Variants in PAM observed in about 807,000 individuals in gnomAD.
PAM encodes peptidylglycine alpha-amidating monooxygenase, also known as peptidyl-glycine alpha-amidating monooxygenase.
A neutral mutation model predicts 122.1 loss-of-function variants in PAM; 72 were observed. The observed-to-expected ratio is 0.59, with a 90% CI of 0.49 to 0.72. PAM has a LOEUF of 0.72. Ranked by LOEUF, PAM falls within the 30% of genes least tolerant of loss-of-function variation. The pLI is 0.00. For synonymous variants in PAM, 389 were observed against 404.4 expected, an observed-to-expected ratio of 0.96 and a Z score of 0.46; for missense variants, 1,106 against 1,183.7, an observed-to-expected ratio of 0.93 and a Z score of 0.96.
chr5:103,019,009 T>C lies in PAM; in HGVS notation c.2432-781T>C, dbSNP rs138428854. The stretch of plus-strand genomic sequence containing the variant: ...TGACAGGAGGCAGAGCTCAGGTGGT[T>C]ACACTCACCTGCCACTCACCTCCTG... On this transcript the variant is annotated intron_variant, in intron 22 of 25. Transcript: ENST00000438793. Among the ~76,000 whole-genome samples, 633 of 152,270 alleles carry C rather than the reference T, an allele frequency of 4.2e-3. 1 individual carries two copies. Among genetic ancestry groups the C allele is most frequent in the Non-Finnish European group, 6.2e-3 (421 of 68,026 alleles).
chr5:103,007,188 T>TACACACACACAC (rs1247892849), intron 19 of PAM, among the ~76,000 whole-genome samples, 177 bp downstream of exon 19: 3 of 106,460 alleles, frequency 2.8e-5, no homozygotes, highest in African/African-American at 9.5e-5. Context: ...CACACACATA[T>TACACACACACAC]ACATACACAC....
chr5:102,987,603 C>A, intron 15 of PAM: 1 of 444,552 alleles, frequency 2.2e-6, no homozygotes. Context: ...CTGATTTGAT[C>A]ATGCTTGTAT....
At chr5:102,791,587 A>C (rs1762069318) in intron 1 of PAM, among the ~76,000 whole-genome samples, 1 of 152,102 alleles carries the variant, frequency 6.6e-6, no homozygotes, top group Admixed American at 6.6e-5. Flanking sequence ...TTTTGCAACT[A>C]CTTTTTCTCC....
chr5:102,990,979 T>TA (rs1562163370), intron 16 of PAM, among the ~76,000 whole-genome samples: 1 of 152,214 alleles, frequency 6.6e-6, no homozygotes, highest in African/African-American at 2.4e-5. Flanking sequence ...GGCTTAAGAA[T>TA]AACTCTAGGA....
rs1291463339 is a variant in PAM, at chr5:103,029,109, T to G, written c.*44T>G. ...GATTGAGTAAGATTTACCCAGAATG[T>G]CAGATTCCTTTCCCTTTAGCACGTT... On this transcript the variant is annotated 3_prime_UTR_variant, in exon 26 of 26. Transcript: ENST00000438793. 6.7e-7 allele frequency: 1 copy of G among 1,493,248 alleles called. No individual in the cohort carries two copies. Among genetic ancestry groups the G allele is most frequent in the Admixed American group, 1.9e-5 (1 of 52,256 alleles). The allele number at this position is 1,493,248 out of a possible 1,614,324, so 92.5% of individuals were successfully genotyped here. A position where few individuals can be genotyped will look rare whatever the true frequency, so the allele number is the denominator to read the frequency against.
At chr5:102,947,483 A>C (rs1255665622) in intron 8 of PAM, among the ~76,000 whole-genome samples, 1 of 152,150 alleles carries the variant, frequency 6.6e-6, no homozygotes, top group African/African-American at 2.4e-5. Flanking sequence ...GTGAGAATGC[A>C]AAGGCATAAG....
At chr5:102,926,513 G>C in intron 6 of PAM, 72 bp from the exon 7 acceptor site, 1 of 830,078 alleles carries the variant, frequency 1.2e-6, no homozygotes, top group Non-Finnish European at 2.1e-6. Context: ...GGAGTTCATA[G>C]AACAGCAATT....
intron 1 of PAM, among the ~76,000 whole-genome samples, chr5:102,812,937 C>T (rs1768412910): frequency 6.6e-6 from 1 of 151,716 alleles, no homozygotes; most frequent in Non-Finnish European, 1.5e-5. Context: ...AATGCAAGTG[C>T]TCACGTAAAT....
At chr5:102,871,890 A>G (rs1489718810) in intron 3 of PAM, among the ~76,000 whole-genome samples, 2 of 151,738 alleles carry the variant, frequency 1.3e-5, no homozygotes, top group Non-Finnish European at 2.9e-5. Flanking sequence ...TTTATTTGCT[A>G]TTTGCTCAAC....
intron 15 of PAM, among the ~76,000 whole-genome samples, chr5:102,980,000 G>A (rs891062192): frequency 2.6e-5 from 4 of 151,764 alleles, no homozygotes; most frequent in Non-Finnish European, 5.9e-5. Flanking sequence ...TCATCTTTTA[G>A]AAACAAAAAC....
At position 102,990,257 on chromosome 5, in the gene PAM, G is replaced by T; in HGVS notation, c.1484-15G>T. The T allele has an allele frequency of 6.5e-7, 1 of 1,529,190 alleles. No homozygotes were observed. Among genetic ancestry groups the T allele is most frequent in the South Asian group, 1.3e-5 (1 of 76,846 alleles). 94.7% of individuals were successfully genotyped at this position (1,529,190 alleles called of 1,614,324 possible). ...CCTTTCCCTTTTACACTAAATGTGT[G>T]GATATATCTTTTAGATTTCCACATG... On this transcript the variant is annotated splice_polypyrimidine_tract_variant and intron_variant, in intron 15 of 25. Coordinates refer to ENST00000438793, the MANE Select transcript of PAM (RefSeq NM_001177306.2).
At chr5:103,020,963 T>A (rs2151293292) in intron 23 of PAM, among the ~76,000 whole-genome samples, 1 of 152,278 alleles carries the variant, frequency 6.6e-6, no homozygotes. Context: ...GTCCCCCTAG[T>A]TTTATGTCTT....
intron 1 of PAM, among the ~76,000 whole-genome samples, chr5:102,834,321 G>A (rs1429173687): frequency 1.3e-5 from 2 of 152,116 alleles, no homozygotes; most frequent in African/African-American, 4.8e-5. Context: ...GCTTGTCCAT[G>A]TCAAAGTTGT....
At chr5:102,767,960 T>C (rs1393013566) in intron 1 of PAM, among the ~76,000 whole-genome samples, 3 of 152,146 alleles carry the variant, frequency 2.0e-5, no homozygotes, top group Non-Finnish European at 4.4e-5. Flanking sequence ...CCACAGACTC[T>C]GGCTTGGGGA....
chr5:102,906,387 A>G (rs576706261), intron 4 of PAM, among the ~76,000 whole-genome samples: 39 of 151,834 alleles, frequency 2.6e-4, no homozygotes, highest in African/African-American at 8.0e-4. Flanking sequence ...TGATAAAGGT[A>G]TGCAAAATTT....
rs150662320 is a variant in PAM at position 103,005,212 on chromosome 5, G to A, written c.1789G>A (p.Val597Met). The change falls in exon 18 of 26, where the codon GTG (valine) becomes ATG (methionine). Residue 597 changes from valine (V) to methionine (M), a missense_variant. Physicochemically the swap from Val to Met is conservative, Grantham distance 21 (BLOSUM62 1). Around this residue, in one of 3 missense-constraint regions of PAM, gnomAD observed 103 missense variants for 157.9 expected, o/e 0.65. Transcript: ENST00000438793. ...DKDGNYWVTD[V>M]ALHQVFKLDP... ...AGATGGGAATTATTGGGTCACAGACGTGGCTCTCCATCAGGTAGTCTTCCT... is the reference window on the plus strand; with the variant it reads ...AGATGGGAATTATTGGGTCACAGACATGGCTCTCCATCAGGTAGTCTTCCT... 351 of 1,412,608 alleles carry A rather than the reference G, an allele frequency of 2.5e-4. 1 individual carries two copies. The highest frequency in any genetic ancestry group is 3.2e-4 in the Non-Finnish European group (319 of 998,130). 87.5% of individuals were successfully genotyped at this position (1,412,608 alleles called of 1,614,324 possible).
At chr5:102,963,234 G>A (rs190894345) in intron 14 of PAM, among the ~76,000 whole-genome samples, 7 of 151,948 alleles carry the variant, frequency 4.6e-5, no homozygotes, top group Admixed American at 1.3e-4. Context: ...TGTACCAAAT[G>A]CACATTTGTA....
chr5:102,755,899 G>T lies in PAM; in HGVS notation c.-374+551G>T, dbSNP rs570866880. On this transcript the variant is annotated intron_variant, in intron 1 of 25. Transcript: ENST00000438793. ...CTTCCCCTCTTTCTTTCCCGTCCTTGCCCAGCTTTGCTCTCTTCCTGCCGT... is the reference window on the plus strand; with the variant it reads ...CTTCCCCTCTTTCTTTCCCGTCCTTTCCCAGCTTTGCTCTCTTCCTGCCGT... Among the ~76,000 whole-genome samples the T allele has an allele frequency of 4.6e-5, 7 of 152,182 alleles. 1 individual carries two copies. The East Asian group carries it at 1.4e-3, about 29-fold the overall frequency.
At chr5:102,880,124 TA>T (rs1049323714) in intron 3 of PAM, among the ~76,000 whole-genome samples, 5 of 151,794 alleles carry the variant, frequency 3.3e-5, no homozygotes, top group Non-Finnish European at 5.9e-5. Context: ...CTACAAAAAA[TA>T]AAAAAATTAG....
Sources: allele counts gnomAD v4.1 joint callset (sites outside exome capture counted in the v4.1 genomes callset), GRCh38; gene constraint gnomAD v4.1.1; regional missense constraint gnomAD v4.1.1; transcripts MANE v1.5; gene names NCBI Gene and HGNC (gene_info 2026-07-23, HGNC 2026-07-21).